The following FAM53A variants were observed in gnomAD, a reference collection of about 807,000 sequenced individuals.
FAM53A encodes the protein protein FAM53A.
FAM53A carries 28 observed loss-of-function variants against 26.6 expected under a neutral mutation model. The observed-to-expected ratio is 1.05, with a 90% CI of 0.78 to 1.45. The LOEUF is 1.45. Among genes scored for constraint, FAM53A ranks in the 40% most tolerant of loss-of-function variants. The pLI is 0.00. For missense variants in FAM53A, 650 were observed against 575.8 expected, an observed-to-expected ratio of 1.13 and a Z score of -1.32; for synonymous variants, 290 against 253.1, an observed-to-expected ratio of 1.15 and a Z score of -1.38.
chr4:1,603,834 G>T, the FAM53A span, among the ~76,000 whole-genome samples: 1 of 152,196 alleles, frequency 6.6e-6, no homozygotes, highest in Admixed American at 6.5e-5. Flanking sequence ...GAGCCTCAGA[G>T]GCTGGCAGGC....
intron 4 of FAM53A, among the ~76,000 whole-genome samples, chr4:1,652,993 A>C (rs1322127461): frequency 6.8e-6 from 1 of 147,624 alleles, no homozygotes; most frequent in African/African-American, 2.5e-5. Flanking sequence ...CACACAACAC[A>C]CATCCCACAC....
chr4:1,629,646 A>T (rs1316536860), intron 1 of FAM53A, among the ~76,000 whole-genome samples: 1 of 152,188 alleles, frequency 6.6e-6, no homozygotes, highest in East Asian at 1.9e-4. Context: ...GCCAGTGCCC[A>T]GCTTCAGTGA....
At chr4:1,665,907 T>A (rs1313254606) in intron 2 of FAM53A, among the ~76,000 whole-genome samples, 1 of 151,966 alleles carries the variant, frequency 6.6e-6, no homozygotes. Flanking sequence ...TATAGCCAAG[T>A]GACAAACCTG....
the FAM53A span, among the ~76,000 whole-genome samples, chr4:1,604,739 C>T: frequency 6.6e-6 from 1 of 152,164 alleles, no homozygotes; most frequent in Non-Finnish European, 1.5e-5. Context: ...CCCGCCTCCT[C>T]CTGCTTCCCC....
chr4:1,626,222 G>A (rs1715295847), intron 1 of FAM53A, among the ~76,000 whole-genome samples: 1 of 152,192 alleles, frequency 6.6e-6, no homozygotes, highest in African/African-American at 2.4e-5. Flanking sequence ...GAGGAGGTAG[G>A]GGTCAGGCCG....
chr4:1,579,180 C>G, the FAM53A span, among the ~76,000 whole-genome samples: 4 of 149,802 alleles, frequency 2.7e-5, no homozygotes, highest in East Asian at 2.0e-4. Context: ...CCCTGCCCCC[C>G]CTGCCCTCCC....
intron 4 of FAM53A, among the ~76,000 whole-genome samples, chr4:1,653,304 C>T (rs1357225777): frequency 6.6e-6 from 1 of 152,228 alleles, no homozygotes; most frequent in Non-Finnish European, 1.5e-5. Context: ...CATGTCCACA[C>T]TGAGCCCCAT....
chr4:1,587,655 G>C, the FAM53A span, among the ~76,000 whole-genome samples: 1 of 152,128 alleles, frequency 6.6e-6, no homozygotes, highest in East Asian at 1.9e-4. Flanking sequence ...CTAGGTGACA[G>C]AGCGAGACTC....
intron 1 of FAM53A, among the ~76,000 whole-genome samples, chr4:1,622,125 C>T (rs1413975866): frequency 6.6e-6 from 1 of 152,210 alleles, no homozygotes; most frequent in Non-Finnish European, 1.5e-5. Flanking sequence ...TTCCCAGCCT[C>T]CAGAAACTTG....
In FAM53A at chr4:1,621,021, T is replaced by C. The variant is rs147584044; in HGVS notation, c.432-2910A>G. 2.2e-4 allele frequency among the ~76,000 whole-genome samples: 33 copies of C among 150,864 alleles called. No individual in the cohort carries two copies. The East Asian group carries it at 6.0e-3, about 28-fold the overall frequency. Reference sequence around the variant, plus strand: ...CAAATGGCTGCCAGAGCCCCAGCCATCACGCCTCAGTTTCAGGAAGCAAGA... The same window carrying C: ...CAAATGGCTGCCAGAGCCCCAGCCACCACGCCTCAGTTTCAGGAAGCAAGA... On this transcript the variant is annotated intron_variant, in intron 1 of 1. Transcript: ENST00000489029.
chr4:1,603,759 G>A, the FAM53A span, among the ~76,000 whole-genome samples: 13,408 of 152,296 alleles, frequency 0.088, 1,762 homozygotes, highest in African/African-American at 0.28. Context: ...CAAAGAAAGG[G>A]TTAAGCAGAT....
chr4:1,580,590 G>A, the FAM53A span, among the ~76,000 whole-genome samples: 1 of 121,272 alleles, frequency 8.2e-6, no homozygotes. Flanking sequence ...TCCTACCTCG[G>A]GCCCCACCTC....
At position 1,659,311 on chromosome 4, in the gene FAM53A, T is replaced by G. The variant is rs1389055647; in HGVS notation, c.76-1843A>C. On this transcript the variant is annotated intron_variant, in intron 2 of 4. Transcript: ENST00000308132. This position sits in a 1 kb window ranked among gnomAD's most constrained non-coding sequence, Gnocchi z 5.2. The stretch of plus-strand genomic sequence containing the variant: ...GCTTTCACGCCACAGGGACCCTTGT[T>G]GCTGTCGATCCTCCCAGCCCCGGGC... 6.6e-6 allele frequency among the ~76,000 whole-genome samples: 1 copy of G among 152,220 alleles called. No homozygotes were observed.
chr4:1,638,885 T>G (rs1326301802), downstream of FAM53A, among the ~76,000 whole-genome samples: 2 of 152,144 alleles, frequency 1.3e-5, no homozygotes, highest in African/African-American at 4.8e-5. Flanking sequence ...GGTAACACAG[T>G]GGACAGATCT....
chr4:1,590,804 C>A, the FAM53A span, among the ~76,000 whole-genome samples: 2 of 151,116 alleles, frequency 1.3e-5, no homozygotes, highest in Non-Finnish European at 2.9e-5. Flanking sequence ...TTATGCCATT[C>A]AAATTAAATA....
chr4:1,678,004 T>C (rs1348843571), intron 1 of FAM53A, among the ~76,000 whole-genome samples: 2 of 152,100 alleles, frequency 1.3e-5, no homozygotes, highest in Non-Finnish European at 2.9e-5. Flanking sequence ...GCCCACATGA[T>C]ATTACAGGAG....
the FAM53A span, among the ~76,000 whole-genome samples, chr4:1,608,796 T>C: frequency 1.3e-5 from 2 of 152,140 alleles, no homozygotes; most frequent in African/African-American, 2.4e-5. Flanking sequence ...AACAATGCAA[T>C]ACTTCTGCTG....
At chr4:1,669,243 C>G (rs1030005382) in intron 1 of FAM53A, among the ~76,000 whole-genome samples, 1 of 152,130 alleles carries the variant, frequency 6.6e-6, no homozygotes, top group East Asian at 1.9e-4. Context: ...TGCTGGAAAG[C>G]CAATATCAAG....
At chr4:1,612,861 G>A in the FAM53A span, among the ~76,000 whole-genome samples, 1 of 152,118 alleles carries the variant, frequency 6.6e-6, no homozygotes, top group African/African-American at 2.4e-5. Context: ...ACACTCAAAC[G>A]CATACTGACA....
Sources: gnomAD v4.1 joint callset for allele counts (sites outside exome capture counted in the v4.1 genomes callset) on GRCh38, gnomAD v4.1.1 for gene constraint, Gnocchi (gnomAD v3.1) non-coding constraint, MANE v1.5 for transcripts, NCBI Gene and HGNC (gene_info 2026-07-23, HGNC 2026-07-21) for gene names.